ARHGEF38: variants seen among roughly 807,000 people sequenced by gnomAD.
ARHGEF38 encodes the protein Rho guanine nucleotide exchange factor 38.
A neutral mutation model predicts 79.9 loss-of-function variants in ARHGEF38; 79 were observed. That is an observed-to-expected ratio of 0.99 (90% CI 0.82 to 1.19). The LOEUF (loss-of-function observed/expected upper bound fraction) is 1.19, where lower values mean the gene tolerates loss of function less well. Among genes scored for constraint, ARHGEF38 ranks in the 50% most tolerant of loss-of-function variants. ARHGEF38 has a pLI of 0.00. For synonymous variants in ARHGEF38, 366 were observed against 328.3 expected, an observed-to-expected ratio of 1.11 and a Z score of -1.24; for missense variants, 962 against 907.2, an observed-to-expected ratio of 1.06 and a Z score of -0.78.
chr4:105,631,196 A>G, intron 4 of ARHGEF38, 151 bp downstream of exon 4: 2 of 1,287,162 alleles, frequency 1.6e-6, no homozygotes, highest in African/African-American at 1.5e-5. Context: ...TAAAAAGCTG[A>G]CATGCCAGAA....
At chr4:105,579,075 G>C (rs1276739324) in intron 1 of ARHGEF38, among the ~76,000 whole-genome samples, 1 of 151,944 alleles carries the variant, frequency 6.6e-6, no homozygotes, top group Non-Finnish European at 1.5e-5. Context: ...AATGCTAGTG[G>C]GGTTTTTTTG....
chr4:105,662,799 A>G (rs1730611125), intron 10 of ARHGEF38, among the ~76,000 whole-genome samples: 1 of 152,174 alleles, frequency 6.6e-6, no homozygotes, highest in African/African-American at 2.4e-5. Context: ...CAGAAAAGAC[A>G]TGTTATTTTA....
intron 1 of ARHGEF38, among the ~76,000 whole-genome samples, chr4:105,580,441 C>A (rs1219596634): frequency 6.6e-6 from 1 of 152,144 alleles, no homozygotes; most frequent in East Asian, 1.9e-4. Context: ...TTTCAACAAA[C>A]TTCTTGATTT....
chr4:105,556,329 T>C (rs1725249136), intron 1 of ARHGEF38, among the ~76,000 whole-genome samples: 1 of 152,082 alleles, frequency 6.6e-6, no homozygotes, highest in South Asian at 2.1e-4. Flanking sequence ...TGACCTTTAC[T>C]CCAAAGAGGC....
At chr4:105,643,606 G>A (rs1163338348) in intron 5 of ARHGEF38, among the ~76,000 whole-genome samples, 1 of 152,110 alleles carries the variant, frequency 6.6e-6, no homozygotes, top group African/African-American at 2.4e-5. Context: ...TCATTTCTCA[G>A]TCCACAAATA....
chr4:105,624,068 G>T (rs1728847526), intron 3 of ARHGEF38, among the ~76,000 whole-genome samples: 1 of 152,046 alleles, frequency 6.6e-6, no homozygotes, highest in Admixed American at 6.6e-5. Context: ...TCTCTCTTTA[G>T]GGTCCAGCTC....
At chr4:105,606,994 A>G (rs1019071954) in intron 2 of ARHGEF38, among the ~76,000 whole-genome samples, 22 of 151,992 alleles carry the variant, frequency 1.4e-4, no homozygotes, top group African/African-American at 1.9e-4. Context: ...TTTTCAAACA[A>G]TGTTTGTTCC....
At chr4:105,597,724 A>G (rs1727644484) in intron 2 of ARHGEF38, among the ~76,000 whole-genome samples, 1 of 152,216 alleles carries the variant, frequency 6.6e-6, no homozygotes, top group Non-Finnish European at 1.5e-5. Context: ...ACCCCACAAC[A>G]TCAAAATCCA....
chr4:105,602,133 G>A (rs1379603231), intron 2 of ARHGEF38, among the ~76,000 whole-genome samples: 3 of 152,166 alleles, frequency 2.0e-5, no homozygotes, highest in Non-Finnish European at 4.4e-5. Flanking sequence ...TTGGTTAGGT[G>A]GAGGCAGGGT....
chr4:105,631,239 T>C (rs1359766872), intron 4 of ARHGEF38, 194 bp downstream of exon 4: 62 of 1,244,614 alleles, frequency 5.0e-5, no homozygotes, highest in Non-Finnish European at 5.9e-5. Flanking sequence ...CCTGCGAGAA[T>C]GACTAAAAAT....
chr4:105,574,811 T>G lies in ARHGEF38; in HGVS notation c.197-14437T>G, dbSNP rs538176942. Among the ~76,000 whole-genome samples the G allele has an allele frequency of 2.1e-4, 32 of 152,292 alleles. No homozygotes were observed. The East Asian group carries it at 5.8e-3, about 28-fold the overall frequency. On this transcript the variant is annotated intron_variant, in intron 1 of 13. Coordinates refer to ENST00000420470, the MANE Select transcript of ARHGEF38 (RefSeq NM_001242729.2). ...ATAGTAGTGAATTCTGACATTTTAG[T>G]GCACCTATCACCTGAATAACGTATG...
At chr4:105,580,960 C>A (rs940821485) in intron 1 of ARHGEF38, among the ~76,000 whole-genome samples, 40 of 152,108 alleles carry the variant, frequency 2.6e-4, no homozygotes, top group Middle Eastern at 3.2e-3. Context: ...CAGGCATGAG[C>A]CACCAAGCCG....
intron 3 of ARHGEF38, among the ~76,000 whole-genome samples, chr4:105,614,065 T>C (rs1728415603): frequency 1.3e-5 from 2 of 152,148 alleles, no homozygotes; most frequent in African/African-American, 4.8e-5. Context: ...ATTTTCTTAC[T>C]ATGGTAGGAT....
chr4:105,659,819 C>A (rs1316827997), intron 10 of ARHGEF38, among the ~76,000 whole-genome samples: 2 of 149,556 alleles, frequency 1.3e-5, no homozygotes, highest in Non-Finnish European at 3.0e-5. Flanking sequence ...GTTTTGATTT[C>A]ATTTTTCCCC....
At chr4:105,562,443 CTG>C (rs1459677292) in intron 1 of ARHGEF38, among the ~76,000 whole-genome samples, 1 of 152,104 alleles carries the variant, frequency 6.6e-6, no homozygotes, top group Non-Finnish European at 1.5e-5. Flanking sequence ...TTTTACAATT[CTG>C]TCATTTTCAC....
At chr4:105,618,491 C>G (rs1281829198) in intron 3 of ARHGEF38, among the ~76,000 whole-genome samples, 3 of 151,880 alleles carry the variant, frequency 2.0e-5, no homozygotes, top group Admixed American at 6.6e-5. Flanking sequence ...CGTGGTGGCA[C>G]GCACCTGTAG....
At chr4:105,628,587 A>T (rs189601761) in intron 3 of ARHGEF38, among the ~76,000 whole-genome samples, 1 of 152,112 alleles carries the variant, frequency 6.6e-6, no homozygotes, top group Non-Finnish European at 1.5e-5. Context: ...AGGATATCAG[A>T]AACAAAACAA....
At chr4:105,651,451 A>G (rs1730101309) in intron 7 of ARHGEF38, among the ~76,000 whole-genome samples, 1 of 152,210 alleles carries the variant, frequency 6.6e-6, no homozygotes, top group African/African-American at 2.4e-5. Context: ...ACCCAGCACC[A>G]TGTTAGAGAT....
chr4:105,590,141 AAAG>A (rs1352131505), intron 2 of ARHGEF38, among the ~76,000 whole-genome samples: 8 of 126,380 alleles, frequency 6.3e-5, no homozygotes, highest in African/African-American at 4.0e-4. Flanking sequence ...GAAAGAAAAA[AAAG>A]AAAGAAAGAA....
Sources: allele counts gnomAD v4.1 joint callset (sites outside exome capture counted in the v4.1 genomes callset), GRCh38; gene constraint gnomAD v4.1.1; transcripts MANE v1.5; gene names NCBI Gene and HGNC (gene_info 2026-07-23, HGNC 2026-07-21).